Variants in BLVRA observed in about 807,000 individuals in gnomAD.
The protein encoded by BLVRA is biliverdin reductase A.
Under a neutral mutation model 32.8 loss-of-function variants are expected in BLVRA, and 22 were observed. The observed-to-expected ratio is 0.67, with a 90% confidence interval of 0.48 to 0.96. BLVRA has a LOEUF of 0.96. BLVRA is among the 40% of genes least tolerant of loss of function. BLVRA has a pLI of 0.00. For synonymous variants in BLVRA, 119 were observed against 141.3 expected, an observed-to-expected ratio of 0.84 and a Z score of 1.12; for missense variants, 323 against 358.1, an observed-to-expected ratio of 0.90 and a Z score of 0.79.
intron 5 of BLVRA, among the ~76,000 whole-genome samples, chr7:43,798,696 T>C (rs979628875): frequency 1.3e-5 from 2 of 152,230 alleles, no homozygotes; most frequent in Admixed American, 6.5e-5. Context: ...CAATGGCTAA[T>C]AACGTTTTGA....
chr7:43,777,052 G>A (rs2095761950), intron 2 of BLVRA, among the ~76,000 whole-genome samples: 1 of 150,560 alleles, frequency 6.6e-6, no homozygotes, highest in African/African-American at 2.4e-5. Flanking sequence ...ACGTGAGATG[G>A]GTTTCCTGAA....
intron 5 of BLVRA, among the ~76,000 whole-genome samples, chr7:43,797,293 G>A (rs527645275): frequency 2.0e-5 from 3 of 152,270 alleles, no homozygotes; most frequent in Admixed American, 2.0e-4. Flanking sequence ...TCGCCATGTT[G>A]GCCAGGCTGG....
intron 2 of BLVRA, among the ~76,000 whole-genome samples, chr7:43,775,315 T>C (rs1373787054): frequency 3.3e-5 from 5 of 152,248 alleles, no homozygotes; most frequent in African/African-American, 1.2e-4. Context: ...ATATGTCCCA[T>C]CAATACCTAA....
chr7:43,802,852 C>T (rs2095800054), intron 6 of BLVRA, among the ~76,000 whole-genome samples: 1 of 152,208 alleles, frequency 6.6e-6, no homozygotes, highest in African/African-American at 2.4e-5. Context: ...ATTCTCCTGC[C>T]TCAGCCTCCC....
intron 5 of BLVRA, among the ~76,000 whole-genome samples, chr7:43,800,084 A>G (rs1313552351): frequency 3.3e-5 from 5 of 152,052 alleles, no homozygotes; most frequent in African/African-American, 1.2e-4. Context: ...GCCTCCCAAG[A>G]AGGTGGGCTT....
intron 2 of BLVRA, among the ~76,000 whole-genome samples, chr7:43,779,876 TC>T (rs1423539653): frequency 2.0e-5 from 3 of 151,874 alleles, no homozygotes; most frequent in Non-Finnish European, 2.9e-5. Context: ...ATATTTTTTT[TC>T]TTTTTCTTTT....
intron 1 of BLVRA, chr7:43,767,498 G>A: frequency 7.9e-7 from 1 of 1,265,392 alleles, no homozygotes; most frequent in Non-Finnish European, 1.2e-6. Flanking sequence ...TTTTTATGCT[G>A]CTATTGTTGC....
intron 2 of BLVRA, among the ~76,000 whole-genome samples, chr7:43,784,660 G>C (rs1375738601): frequency 7.3e-6 from 1 of 136,958 alleles, no homozygotes; most frequent in Non-Finnish European, 1.5e-5. Context: ...CTGAAGTGCA[G>C]TGGTGCAATC....
chr7:43,763,908 T>C (rs952267537), intron 1 of BLVRA, among the ~76,000 whole-genome samples: 3 of 152,146 alleles, frequency 2.0e-5, no homozygotes, highest in Non-Finnish European at 4.4e-5. Context: ...TGGAGCGCCT[T>C]AAAAAATCTA....
chr7:43,769,088 C>T (rs764528649), intron 1 of BLVRA, among the ~76,000 whole-genome samples: 4 of 152,016 alleles, frequency 2.6e-5, no homozygotes, highest in Non-Finnish European at 4.4e-5. Flanking sequence ...AGTGCAGTGG[C>T]GTGATCATAG....
intron 5 of BLVRA, among the ~76,000 whole-genome samples, chr7:43,798,016 A>G (rs2095794583): frequency 6.6e-6 from 1 of 151,190 alleles, no homozygotes; most frequent in Admixed American, 6.6e-5. Context: ...ACACTGTGAA[A>G]CCCCGTCTCT....
intron 2 of BLVRA, among the ~76,000 whole-genome samples, chr7:43,776,565 T>G (rs940238402): frequency 2.0e-5 from 3 of 152,196 alleles, no homozygotes; most frequent in Non-Finnish European, 4.4e-5. Flanking sequence ...CTTCCAACTG[T>G]GTGGTCAGTT....
At chr7:43,804,036 A>T (rs1285565842) in intron 7 of BLVRA, among the ~76,000 whole-genome samples, 189 bp downstream of exon 7, 1 of 152,222 alleles carries the variant, frequency 6.6e-6, no homozygotes, top group Non-Finnish European at 1.5e-5. Flanking sequence ...CAGCCCTGTG[A>T]GGTAAAGAAG....
chr7:43,795,125 C>T (rs568207143), intron 5 of BLVRA, among the ~76,000 whole-genome samples: 4 of 152,126 alleles, frequency 2.6e-5, no homozygotes, highest in Admixed American at 6.5e-5. Flanking sequence ...GCACGAGAAT[C>T]GCTTGAACCC....
At chr7:43,792,242 G>T (rs187435954) in intron 4 of BLVRA, among the ~76,000 whole-genome samples, 1 of 152,116 alleles carries the variant, frequency 6.6e-6, no homozygotes, top group South Asian at 2.1e-4. Context: ...CCCTGCATAC[G>T]CTGCTCACAG....
chr7:43,765,730 GGTATTGAAACACT>G (rs1252026803), intron 1 of BLVRA, among the ~76,000 whole-genome samples: 1 of 152,068 alleles, frequency 6.6e-6, no homozygotes, highest in African/African-American at 2.4e-5. Flanking sequence ...TGAATTACCA[GGTATTGAAACACT>G]GTAAAGCCAC....
intron 6 of BLVRA, among the ~76,000 whole-genome samples, chr7:43,801,320 G>T (rs973327584): frequency 6.6e-6 from 1 of 152,140 alleles, no homozygotes; most frequent in Non-Finnish European, 1.5e-5. Flanking sequence ...ATCTGTATTT[G>T]TAGCTGTTTA....
chr7:43,769,015 C>G (rs2095751453), intron 1 of BLVRA, among the ~76,000 whole-genome samples: 1 of 151,782 alleles, frequency 6.6e-6, no homozygotes, highest in African/African-American at 2.4e-5. Flanking sequence ...CTCTGTCACC[C>G]TGTGAGTGAC....
At chr7:43,784,877 G>A (rs371222620) in intron 2 of BLVRA, among the ~76,000 whole-genome samples, 30 of 152,190 alleles carry the variant, frequency 2.0e-4, no homozygotes, top group African/African-American at 7.0e-4. Context: ...CCAGAGTGCT[G>A]GGTTTACAGA....
Sources: allele counts gnomAD v4.1 joint callset (sites outside exome capture counted in the v4.1 genomes callset), GRCh38; gene constraint gnomAD v4.1.1; transcripts MANE v1.5; gene names NCBI Gene and HGNC (gene_info 2026-07-23, HGNC 2026-07-21).